The following RALGPS2 variants were observed in gnomAD, a reference collection of about 807,000 sequenced individuals.
The protein encoded by RALGPS2 is ras-specific guanine nucleotide-releasing factor RalGPS2.
Under a neutral mutation model 86.8 loss-of-function variants are expected in RALGPS2, and 43 were observed. The ratio of observed to expected loss-of-function variants is 0.50; its 90% confidence interval spans 0.39 to 0.64. RALGPS2 has a LOEUF of 0.64. Ranked by LOEUF, RALGPS2 falls within the 30% of genes least tolerant of loss-of-function variation. The pLI, the probability that RALGPS2 is intolerant of heterozygous loss-of-function variation, is 0.00. For missense variants in RALGPS2, 536 were observed against 694.6 expected (o/e 0.77, Z 2.57); for synonymous variants, 243 against 231.3 (o/e 1.05, Z -0.46).
chr1:178,789,731 A>G (rs1323208563), intron 4 of RALGPS2, among the ~76,000 whole-genome samples: 1 of 152,220 alleles, frequency 6.6e-6, no homozygotes, highest in African/African-American at 2.4e-5. Flanking sequence ...GAGTGAATAC[A>G]GGTACTTGAT....
At chr1:178,779,561 A>G (rs1177595466) in intron 2 of RALGPS2, among the ~76,000 whole-genome samples, 2 of 152,138 alleles carry the variant, frequency 1.3e-5, no homozygotes, top group Non-Finnish European at 2.9e-5. Context: ...TCCCTCATGA[A>G]TTTTATTAAG....
rs1185099647 is a variant in RALGPS2, at chr1:178,902,174, A to G, written c.1593A>G (p.Glu531=). 6.2e-7 allele frequency: 1 copy of G among 1,612,998 alleles called. No individual in the cohort carries two copies. Among genetic ancestry groups the G allele is most frequent in the Non-Finnish European group, 8.5e-7 (1 of 1,179,280 alleles). The change falls in exon 18 of 20, where the codon GAA becomes GAG. Residue 531 remains glutamate, a synonymous_variant. Transcript: ENST00000367635. The part of the protein sequence containing the change: ...GWMVMMADDP[E]HPDLFLLTDS... The stretch of plus-strand genomic sequence containing the variant: ...TGGTGATGATGGCTGATGACCCTGA[A>G]CATCCTGATCTCTTCCTGCTGACTG...
At chr1:178,725,933 G>C (rs1003019050) in intron 1 of RALGPS2, 14 of 152,258 alleles carry the variant, frequency 9.2e-5, no homozygotes, top group South Asian at 4.1e-4. Flanking sequence ...CGAACCCGCG[G>C]AGTCGCGGTC....
intron 8 of RALGPS2, among the ~76,000 whole-genome samples, chr1:178,872,776 C>G (rs979285339): frequency 1.3e-5 from 2 of 152,182 alleles, no homozygotes; most frequent in African/African-American, 4.8e-5. Context: ...TTAGTAATAT[C>G]ACTAGCCAGG....
chr1:178,810,642 T>A (rs945913053), intron 5 of RALGPS2, among the ~76,000 whole-genome samples: 5 of 151,984 alleles, frequency 3.3e-5, no homozygotes, highest in African/African-American at 1.2e-4. Context: ...TATGTATACT[T>A]TATATTTACA....
At chr1:178,766,439 G>T (rs1451773531) in intron 1 of RALGPS2, among the ~76,000 whole-genome samples, 5 of 151,712 alleles carry the variant, frequency 3.3e-5, no homozygotes, top group Admixed American at 1.3e-4. Flanking sequence ...GTGTTGGCCA[G>T]GCTGGTCTTG....
intron 12 of RALGPS2, 148 bp downstream of exon 12, chr1:178,885,359 T>C (rs1659438378): frequency 1.3e-6 from 1 of 754,728 alleles, no homozygotes; most frequent in African/African-American, 1.8e-5. Flanking sequence ...ATGCCTTGTT[T>C]GCCTAAAAGC....
At chr1:178,776,911 AG>A (rs1386130362) in intron 2 of RALGPS2, 90 bp downstream of exon 2, 2 of 918,980 alleles carry the variant, frequency 2.2e-6, no homozygotes, top group Non-Finnish European at 3.4e-6. Context: ...TTAAATCAGA[AG>A]TGCATTTAGT....
chr1:178,893,894 T>C (rs752613702), intron 15 of RALGPS2, 25 bp from the exon 16 acceptor site: 2 of 1,458,220 alleles, frequency 1.4e-6, no homozygotes, highest in East Asian at 2.3e-5. Flanking sequence ...AAAGCTCTTA[T>C]GTGTTCTTTT....
intron 1 of RALGPS2, among the ~76,000 whole-genome samples, chr1:178,774,721 G>C (rs1230318589): frequency 6.6e-6 from 1 of 152,216 alleles, no homozygotes; most frequent in Non-Finnish European, 1.5e-5. Context: ...GATTTTCTAA[G>C]TAGGTGCGTT....
chr1:178,819,406 G>A (rs1287304020), intron 6 of RALGPS2, among the ~76,000 whole-genome samples: 6 of 152,154 alleles, frequency 3.9e-5, no homozygotes, highest in Non-Finnish European at 8.8e-5. Flanking sequence ...GCAGTCTCTT[G>A]ATGGTGGGTA....
chr1:178,897,587 C>A, intron 16 of RALGPS2, 77 bp from the exon 17 acceptor site: 2 of 1,196,188 alleles, frequency 1.7e-6, no homozygotes, highest in South Asian at 1.2e-5. Flanking sequence ...TGGACTTGAT[C>A]ATTGGCACTT....
At chr1:178,753,358 G>A (rs184405473) in intron 1 of RALGPS2, among the ~76,000 whole-genome samples, 1 of 152,264 alleles carries the variant, frequency 6.6e-6, no homozygotes, top group East Asian at 1.9e-4. Context: ...TGGGCCCTGA[G>A]ACAAGTCAAA....
chr1:178,824,916 C>T (rs2102232052), intron 7 of RALGPS2, among the ~76,000 whole-genome samples: 1 of 152,172 alleles, frequency 6.6e-6, no homozygotes, highest in South Asian at 2.1e-4. Context: ...TGGTGGGATT[C>T]TTAGAAGTTC....
chr1:178,777,316 A>C lies in RALGPS2; in HGVS notation c.57+495A>C, dbSNP rs1466403365. 3.3e-5 allele frequency among the ~76,000 whole-genome samples: 5 copies of C among 152,174 alleles called. No individual in the cohort carries two copies. In the East Asian group the frequency reaches 7.7e-4, roughly 24 times the overall value. ...AATTGCTTCAAAGAGAATAAAATACACAGGAATCCAACTTACAAGGGATGT... is the reference window on the plus strand; with the variant it reads ...AATTGCTTCAAAGAGAATAAAATACCCAGGAATCCAACTTACAAGGGATGT... On this transcript the variant is annotated intron_variant, in intron 2 of 19. Coordinates refer to ENST00000367635, the MANE Select transcript of RALGPS2 (RefSeq NM_152663.5).
chr1:178,789,402 T>C (rs1255337715), intron 4 of RALGPS2, among the ~76,000 whole-genome samples: 1 of 152,218 alleles, frequency 6.6e-6, no homozygotes, highest in Non-Finnish European at 1.5e-5. Context: ...CACCAAGGTT[T>C]TTGGCCTGAA....
intron 1 of RALGPS2, among the ~76,000 whole-genome samples, chr1:178,728,972 C>T (rs903681670): frequency 6.6e-6 from 1 of 152,186 alleles, no homozygotes; most frequent in Admixed American, 6.5e-5. Flanking sequence ...TATATACATA[C>T]AGTTATATGG....
intron 4 of RALGPS2, among the ~76,000 whole-genome samples, chr1:178,805,591 A>C (rs959430880): frequency 6.6e-6 from 1 of 152,124 alleles, no homozygotes; most frequent in Non-Finnish European, 1.5e-5. Context: ...ATAGTTGGCT[A>C]GCTGTTTCTT....
chr1:178,739,604 A>T (rs1259663046), intron 1 of RALGPS2, among the ~76,000 whole-genome samples: 1 of 152,186 alleles, frequency 6.6e-6, no homozygotes, highest in Non-Finnish European at 1.5e-5. Flanking sequence ...AGTACCTTTG[A>T]TGAGGTGGGA....
Sources: gnomAD v4.1 joint callset for allele counts (sites outside exome capture counted in the v4.1 genomes callset) on GRCh38, gnomAD v4.1.1 for gene constraint, MANE v1.5 for transcripts, NCBI Gene and HGNC (gene_info 2026-07-23, HGNC 2026-07-21) for gene names.